Variants in TASP1 observed in about 807,000 individuals in gnomAD.
The protein encoded by TASP1 is taspase 1, also known as threonine aspartase 1.
In TASP1, 16 loss-of-function variants were observed where a neutral mutation model predicts 56.6. The observed-to-expected ratio is 0.28, with a 90% CI of 0.19 to 0.43. The LOEUF (loss-of-function observed/expected upper bound fraction) is 0.43, where lower values mean the gene tolerates loss of function less well. Among genes scored for constraint, TASP1 ranks in the 20% least tolerant of loss-of-function variants. The probability of loss-of-function intolerance (pLI) is 1.00; values close to 1 mark genes in which losing one functional copy is unlikely to be tolerated. For synonymous variants in TASP1, 179 were observed against 184.2 expected, an observed-to-expected ratio of 0.97 and a Z score of 0.23; for missense variants, 393 against 511.6, an observed-to-expected ratio of 0.77 and a Z score of 2.24.
the TASP1 span, among the ~76,000 whole-genome samples, chr20:13,112,415 G>A: frequency 6.6e-6 from 1 of 152,216 alleles, no homozygotes; most frequent in Non-Finnish European, 1.5e-5. Flanking sequence ...AGCAAAGGCT[G>A]CCGGCACTGA....
intron 9 of TASP1, among the ~76,000 whole-genome samples, chr20:13,531,169 A>C (rs1241850554): frequency 6.6e-6 from 1 of 152,186 alleles, no homozygotes; most frequent in Non-Finnish European, 1.5e-5. Context: ...TTTGACATTG[A>C]ATCTTCTACA....
At chr20:13,435,263 T>C in intron 11 of TASP1, 109 bp from the exon 12 acceptor site, 4 of 797,850 alleles carry the variant, frequency 5.0e-6, no homozygotes, top group Non-Finnish European at 8.1e-6. Context: ...AAAATGCCCA[T>C]TTTCTGATAA....
chr20:13,423,724 T>C (rs2042524587), intron 12 of TASP1, among the ~76,000 whole-genome samples: 1 of 152,194 alleles, frequency 6.6e-6, no homozygotes, highest in Non-Finnish European at 1.5e-5. Flanking sequence ...GGGCAACCTA[T>C]TTTTCACCAC....
At chr20:13,393,813 G>A (rs1443539036) in intron 13 of TASP1, 4 of 560,198 alleles carry the variant, frequency 7.1e-6, no homozygotes, top group Non-Finnish European at 1.3e-5. Flanking sequence ...ACACCCTGAA[G>A]AGGGAGGGGC....
the TASP1 span, among the ~76,000 whole-genome samples, chr20:13,291,223 C>T: frequency 3.3e-5 from 5 of 152,152 alleles, no homozygotes; most frequent in African/African-American, 1.2e-4. Flanking sequence ...TCTCGTGTGT[C>T]CTCACCCTCC....
At chr20:13,313,567 G>A in the TASP1 span, among the ~76,000 whole-genome samples, 1 of 152,112 alleles carries the variant, frequency 6.6e-6, no homozygotes, top group African/African-American at 2.4e-5. Context: ...AGCCTATTCG[G>A]GCTCGGGAGA....
At chr20:13,134,507 G>A in the TASP1 span, among the ~76,000 whole-genome samples, 1 of 152,098 alleles carries the variant, frequency 6.6e-6, no homozygotes, top group African/African-American at 2.4e-5. Flanking sequence ...GTGATTACAA[G>A]GTCATCATAC....
At chr20:13,169,182 G>A in the TASP1 span, 1 of 152,156 alleles carries the variant, frequency 6.6e-6, no homozygotes, top group Non-Finnish European at 1.5e-5. Context: ...GAATTCCACT[G>A]GGAAAATTGG....
At chr20:13,430,357 G>A (rs984516780) in intron 12 of TASP1, among the ~76,000 whole-genome samples, 5 of 152,154 alleles carry the variant, frequency 3.3e-5, no homozygotes, top group Non-Finnish European at 7.3e-5. Context: ...TCTTTAGCAG[G>A]CTCTCCGATG....
At chr20:13,231,647 T>C in the TASP1 span, among the ~76,000 whole-genome samples, 1 of 152,224 alleles carries the variant, frequency 6.6e-6, no homozygotes, top group African/African-American at 2.4e-5. Flanking sequence ...CCTGTTGGCC[T>C]GACTCATGCA....
chr20:13,234,167 C>T, the TASP1 span, among the ~76,000 whole-genome samples: 21 of 152,244 alleles, frequency 1.4e-4, no homozygotes, highest in African/African-American at 4.6e-4. Flanking sequence ...CTTTGTATGT[C>T]CGTGTATGCC....
chr20:13,606,139 G>A (rs1178566113), intron 4 of TASP1, among the ~76,000 whole-genome samples: 2 of 27,972 alleles, frequency 7.2e-5, no homozygotes, highest in Non-Finnish European at 1.1e-4. Context: ...GTGCGTGCGT[G>A]TGTGTGTGTG....
the TASP1 span, among the ~76,000 whole-genome samples, chr20:13,348,556 T>C: frequency 6.6e-6 from 1 of 151,396 alleles, no homozygotes; most frequent in Non-Finnish European, 1.5e-5. Flanking sequence ...CTAGTGGATT[T>C]CACGTTGGCT....
At chr20:13,175,710 G>A in the TASP1 span, among the ~76,000 whole-genome samples, 5 of 152,174 alleles carry the variant, frequency 3.3e-5, no homozygotes, top group African/African-American at 1.2e-4. Flanking sequence ...GTTCTGTGCT[G>A]GTAATATCCA....
rs370742578 is a variant in TASP1 at position 13,523,952 on chromosome 20, C to T, written c.874+4481G>A. On this transcript the variant is annotated intron_variant, in intron 10 of 13. Transcript: ENST00000337743. ...TCACTGGAGCCCAGGAGTTCAAGACCAGCCCGGGCAACACAGCAAGATCCT... is the reference window on the plus strand; with the variant it reads ...TCACTGGAGCCCAGGAGTTCAAGACTAGCCCGGGCAACACAGCAAGATCCT... Among the ~76,000 whole-genome samples, 6 of 151,924 alleles carry T rather than the reference C, an allele frequency of 3.9e-5. No individual in the cohort carries two copies. The East Asian group carries it at 7.8e-4, about 20-fold the overall frequency.
chr20:13,250,380 C>T, the TASP1 span, among the ~76,000 whole-genome samples: 427 of 152,238 alleles, frequency 2.8e-3, 2 homozygotes, highest in African/African-American at 9.8e-3. Flanking sequence ...GAATTTCACA[C>T]GTACTGAAGA....
At chr20:13,220,530 G>C in the TASP1 span, among the ~76,000 whole-genome samples, 8 of 152,076 alleles carry the variant, frequency 5.3e-5, no homozygotes, top group Non-Finnish European at 8.8e-5. Flanking sequence ...AAGCCCACTA[G>C]AGCTGAGATT....
chr20:13,132,583 C>T, the TASP1 span, among the ~76,000 whole-genome samples: 1 of 152,128 alleles, frequency 6.6e-6, no homozygotes, highest in African/African-American at 2.4e-5. Flanking sequence ...AAGCACTTTG[C>T]CTATTTTATT....
In TASP1 at chr20:13,391,967, C is replaced by CAA. The variant is rs36124207; in HGVS notation, c.1171-1517_1171-1516dup. On this transcript the variant is annotated intron_variant, in intron 13 of 13. Transcript: ENST00000337743. ...TGGGCGACAGAGCGAGACTCCGTCT[C>CAA]AAAAAAAAAAAAAAAAAGAAAGAAA... 7.8e-3 allele frequency among the ~76,000 whole-genome samples: 562 copies of CAA among 71,824 alleles called. 3 individuals carry two copies. Among genetic ancestry groups the CAA allele is most frequent in the African/African-American group, 0.021 (503 of 24,028 alleles). The allele number at this position is 71,824 out of a possible 152,430, so 47.1% of individuals were successfully genotyped here. A position where few individuals can be genotyped will look rare whatever the true frequency, so the allele number is the denominator to read the frequency against.
Sources: gnomAD v4.1 joint callset for allele counts (sites outside exome capture counted in the v4.1 genomes callset) on GRCh38, gnomAD v4.1.1 for gene constraint, MANE v1.5 for transcripts, NCBI Gene and HGNC (gene_info 2026-07-23, HGNC 2026-07-21) for gene names.